Variants in MAPKAPK5 observed in about 807,000 individuals in gnomAD.
MAPKAPK5 encodes MAP kinase-activated protein kinase 5.
Under a neutral mutation model 65.1 loss-of-function variants are expected in MAPKAPK5, and 30 were observed. That is an observed-to-expected ratio of 0.46 (90% CI 0.34 to 0.63). The LOEUF (loss-of-function observed/expected upper bound fraction) is 0.63, where lower values mean the gene tolerates loss of function less well. Among genes scored for constraint, MAPKAPK5 ranks in the 20% least tolerant of loss-of-function variants. The probability of loss-of-function intolerance (pLI) is 0.01; values close to 1 mark genes in which losing one functional copy is unlikely to be tolerated. For missense variants in MAPKAPK5, 433 were observed against 581.4 expected, an observed-to-expected ratio of 0.74 and a Z score of 2.63; for synonymous variants, 179 against 204.6, an observed-to-expected ratio of 0.87 and a Z score of 1.07.
intron 1 of MAPKAPK5, among the ~76,000 whole-genome samples, chr12:111,860,551 C>T (rs1414115610): frequency 6.6e-6 from 1 of 152,146 alleles, no homozygotes; most frequent in Non-Finnish European, 1.5e-5. Flanking sequence ...CAAATTGAGT[C>T]CACCCCCTAG....
In MAPKAPK5 at chr12:111,899,895, C is replaced by T. The variant is rs1399443467; in HGVS notation, c.*6834C>T. ...GTCTCCTGTGGTGTCTACTAGCTGG[C>T]AACAAGGGAGCAGGAAGCCTCATGA... On this transcript the variant is annotated 3_prime_UTR_variant, in exon 14 of 14. Coordinates refer to ENST00000550735, the MANE Select transcript of MAPKAPK5 (RefSeq NM_003668.4). 2.2e-6 allele frequency: 1 copy of T among 455,900 alleles called. No individual in the cohort carries two copies. The highest frequency in any genetic ancestry group is 4.4e-6 in the Non-Finnish European group (1 of 226,772). 28.2% of individuals were successfully genotyped at this position (455,900 alleles called of 1,614,324 possible).
At position 111,883,442 on chromosome 12, in the gene MAPKAPK5, C is replaced by A. The variant is rs980171294; in HGVS notation, c.661-139C>A. The A allele has an allele frequency of 2.9e-5, 19 of 647,688 alleles. No homozygotes were observed. The Admixed American group carries it at 5.2e-4, about 18-fold the overall frequency. The allele number at this position is 647,688 out of a possible 1,614,324, so 40.1% of individuals were successfully genotyped here. A position where few individuals can be genotyped will look rare whatever the true frequency, so the allele number is the denominator to read the frequency against. On this transcript the variant is annotated intron_variant, in intron 8 of 13. Coordinates refer to ENST00000550735, the MANE Select transcript of MAPKAPK5 (RefSeq NM_003668.4). This position sits in a 1 kb window ranked among gnomAD's most constrained non-coding sequence, Gnocchi z 4.8. Reference sequence around the variant, plus strand: ...AGACTAGTTCTCCTAAGACTTCCTTCAGCTTTCCTAGTCTCTGTTAAGTGA... The same window carrying A: ...AGACTAGTTCTCCTAAGACTTCCTTAAGCTTTCCTAGTCTCTGTTAAGTGA...
chr12:111,889,741 G>T, intron 12 of MAPKAPK5: 2 of 258,838 alleles, frequency 7.7e-6, no homozygotes, highest in Non-Finnish European at 1.5e-5. Flanking sequence ...TTGGTCTTTG[G>T]TTGACCAGGT....
chr12:111,853,798 G>T (rs981799221), intron 1 of MAPKAPK5, among the ~76,000 whole-genome samples: 2 of 152,202 alleles, frequency 1.3e-5, no homozygotes, highest in African/African-American at 4.8e-5. Context: ...GCCTCCCAAA[G>T]TGCTGGGATT....
At position 111,875,829 on chromosome 12, in the gene MAPKAPK5, A is replaced by G. The variant is rs1476587477; in HGVS notation, c.580-4618A>G. Among the ~76,000 whole-genome samples the G allele has an allele frequency of 2.0e-5, 3 of 151,356 alleles. 1 individual carries two copies. Among genetic ancestry groups the G allele is most frequent in the Non-Finnish European group, 4.4e-5 (3 of 67,924 alleles). On this transcript the variant is annotated intron_variant, in intron 7 of 13. Coordinates refer to ENST00000550735, the MANE Select transcript of MAPKAPK5 (RefSeq NM_003668.4). ...CTCTGCCATAGGTGAGCCAGCTTTCACTCCCCATCTCTCCTTGGAAGGGCC... is the reference window on the plus strand; with the variant it reads ...CTCTGCCATAGGTGAGCCAGCTTTCGCTCCCCATCTCTCCTTGGAAGGGCC...
chr12:111,872,544 G>A (rs535148197), intron 7 of MAPKAPK5, among the ~76,000 whole-genome samples: 1 of 152,266 alleles, frequency 6.6e-6, no homozygotes, highest in Admixed American at 6.5e-5. Context: ...TACTGCTGCT[G>A]TAACATATTG....
chr12:111,873,188 T>G (rs916795198), intron 7 of MAPKAPK5, among the ~76,000 whole-genome samples: 1 of 152,144 alleles, frequency 6.6e-6, no homozygotes, highest in Non-Finnish European at 1.5e-5. Context: ...TCATCTGAGT[T>G]TGTGTGTGTA....
At position 111,883,304 on chromosome 12, in the gene MAPKAPK5, T is replaced by C. The variant is rs976323585; in HGVS notation, c.661-277T>C. On this transcript the variant is annotated intron_variant, in intron 8 of 13. Transcript: ENST00000550735. The surrounding 1 kb of genome is among the most constrained non-coding windows in gnomAD (Gnocchi z 4.8). Reference sequence around the variant, plus strand: ...TGAGGCAGGAGGAATTGCTTGAACCTGGGAGGCGGAGGTTGCAGTGAGCTG... The same window carrying C: ...TGAGGCAGGAGGAATTGCTTGAACCCGGGAGGCGGAGGTTGCAGTGAGCTG... 3.3e-5 allele frequency among the ~76,000 whole-genome samples: 5 copies of C among 151,928 alleles called. No homozygotes were observed. Among genetic ancestry groups the C allele is most frequent in the African/African-American group, 1.2e-4 (5 of 41,368 alleles).
intron 1 of MAPKAPK5, among the ~76,000 whole-genome samples, chr12:111,856,215 C>CT (rs759363922): frequency 3.9e-4 from 60 of 152,004 alleles, no homozygotes; most frequent in Non-Finnish European, 7.4e-4. Context: ...TCATTTCTGG[C>CT]TTAATTCCAT....
At chr12:111,861,363 C>A (rs988927973) in intron 1 of MAPKAPK5, among the ~76,000 whole-genome samples, 31 of 151,138 alleles carry the variant, frequency 2.1e-4, no homozygotes, top group African/African-American at 7.5e-4. Flanking sequence ...TGGAGTCTCA[C>A]TCTGTCACAG....
intron 9 of MAPKAPK5, 199 bp from the exon 10 acceptor site, chr12:111,885,717 A>G (rs1264899772): frequency 5.5e-6 from 3 of 548,750 alleles, no homozygotes; most frequent in South Asian, 3.0e-5. Flanking sequence ...CACTTTTTCC[A>G]GTATACAAAG....
At chr12:111,854,864 A>G (rs1355117534) in intron 1 of MAPKAPK5, among the ~76,000 whole-genome samples, 1 of 152,174 alleles carries the variant, frequency 6.6e-6, no homozygotes, top group Non-Finnish European at 1.5e-5. Flanking sequence ...TGAGGTTGAG[A>G]AACCCAACAA....
At chr12:111,847,336 A>C (rs113041013) in intron 1 of MAPKAPK5, among the ~76,000 whole-genome samples, 11 of 131,180 alleles carry the variant, frequency 8.4e-5, no homozygotes, top group African/African-American at 3.4e-4. Flanking sequence ...CGACAGGGTG[A>C]GACTCTGCAA....
rs1426533392 is a variant in MAPKAPK5, at chr12:111,899,798, T to TA, written c.*6738dup. On this transcript the variant is annotated 3_prime_UTR_variant, in exon 14 of 14. Coordinates refer to ENST00000550735, the MANE Select transcript of MAPKAPK5 (RefSeq NM_003668.4). The stretch of plus-strand genomic sequence containing the variant: ...CCTCCTGATTAAGGAGGAAAAATCT[T>TA]ACAGCATTGAGCCCATGGACTCTTC... 3 of 394,228 alleles carry TA rather than the reference T, an allele frequency of 7.6e-6. No homozygotes were observed. The highest frequency in any genetic ancestry group is 3.6e-5 in the South Asian group (2 of 55,616). 24.4% of individuals were successfully genotyped at this position (394,228 alleles called of 1,614,324 possible). A position where few individuals can be genotyped will look rare whatever the true frequency, so the allele number is the denominator to read the frequency against.
At chr12:111,850,787 A>T (rs1268121220) in intron 1 of MAPKAPK5, among the ~76,000 whole-genome samples, 1 of 152,194 alleles carries the variant, frequency 6.6e-6, no homozygotes, top group Admixed American at 6.6e-5. Flanking sequence ...TATGATCAGG[A>T]CTACCCTGGT....
Position 111,894,764 on chromosome 12 carries a change from A to ATGTGTG in MAPKAPK5, c.*1704_*1705insGTGTGT, listed in dbSNP as rs1555276305. The ATGTGTG allele has an allele frequency of 9.1e-6, 1 of 109,552 alleles. No individual in the cohort carries two copies. The highest frequency in any genetic ancestry group is 3.5e-4 in the East Asian group (1 of 2,818). The allele number at this position is 109,552 out of a possible 1,614,324, so 6.8% of individuals were successfully genotyped here. On this transcript the variant is annotated 3_prime_UTR_variant, in exon 14 of 14. Coordinates refer to ENST00000550735, the MANE Select transcript of MAPKAPK5 (RefSeq NM_003668.4). ...TTCCATAACAAACCAATTTTCGTGTATATGTGTGTGTGTGTGTGTGTGTGT... is the reference window on the plus strand; with the variant it reads ...TTCCATAACAAACCAATTTTCGTGTATGTGTGTATGTGTGTGTGTGTGTGTGTGTGT...
intron 7 of MAPKAPK5, 86 bp downstream of exon 7, chr12:111,871,266 A>G: frequency 8.4e-6 from 9 of 1,067,388 alleles, no homozygotes; most frequent in Non-Finnish European, 1.1e-5. Context: ...ACAAGTAGGC[A>G]TATATTACAG....
chr12:111,846,798 T>C (rs2068919881), intron 1 of MAPKAPK5, among the ~76,000 whole-genome samples: 2 of 152,050 alleles, frequency 1.3e-5, no homozygotes. Context: ...TGCCTGGCTC[T>C]CATAAGTTTC....
At chr12:111,884,521 A>T (rs2070341112) in intron 9 of MAPKAPK5, among the ~76,000 whole-genome samples, 1 of 152,220 alleles carries the variant, frequency 6.6e-6, no homozygotes, top group African/African-American at 2.4e-5. Flanking sequence ...GCTCTGGCAT[A>T]TCTTAAGATG....
Sources: gnomAD v4.1 joint callset for allele counts (sites outside exome capture counted in the v4.1 genomes callset) on GRCh38, gnomAD v4.1.1 for gene constraint, Gnocchi (gnomAD v3.1) non-coding constraint, MANE v1.5 for transcripts, NCBI Gene and HGNC (gene_info 2026-07-23, HGNC 2026-07-21) for gene names.